The following EXPH5 variants were observed in gnomAD, a reference collection of about 807,000 sequenced individuals.
The protein encoded by EXPH5 is exophilin 5.
EXPH5 carries 42 observed loss-of-function variants against 41.1 expected under a neutral mutation model. That is an observed-to-expected ratio of 1.02 (90% CI 0.80 to 1.32). The LOEUF (loss-of-function observed/expected upper bound fraction) is 1.32, where lower values mean the gene tolerates loss of function less well. Among genes scored for constraint, EXPH5 ranks in the 40% most tolerant of loss-of-function variants. EXPH5 has a pLI of 0.00. For missense variants in EXPH5, 2,298 were observed against 2,314.5 expected (o/e 0.99, Z 0.15); for synonymous variants, 798 against 833.5 (o/e 0.96, Z 0.73).
At chr11:108,589,622 G>T (rs929320887) in intron 1 of EXPH5, among the ~76,000 whole-genome samples, 3 of 152,130 alleles carry the variant, frequency 2.0e-5, no homozygotes, top group African/African-American at 7.2e-5. Context: ...ATAGATTTAG[G>T]TTCAAATTCT....
At chr11:108,598,885 A>G in the EXPH5 span, among the ~76,000 whole-genome samples, 2 of 152,314 alleles carry the variant, frequency 1.3e-5, no homozygotes, top group South Asian at 2.1e-4. Flanking sequence ...TGGAGTCAGT[A>G]TCTTTGGTTC....
chr11:108,507,343 TC>T lies in EXPH5; in HGVS notation c.*2193del, dbSNP rs2093649734. ...AGTTCTTTCTTAACTCTCTATCAGTTCCAGATCTCTATACACTTCACCAACA... is the reference window on the plus strand; with the variant it reads ...AGTTCTTTCTTAACTCTCTATCAGTTCAGATCTCTATACACTTCACCAACA... On this transcript the variant is annotated 3_prime_UTR_variant, in exon 6 of 6. Coordinates refer to ENST00000265843, the MANE Select transcript of EXPH5 (RefSeq NM_015065.3). 3 of 152,332 alleles carry T rather than the reference TC, an allele frequency of 2.0e-5. No individual in the cohort carries two copies. The highest frequency in any genetic ancestry group is 6.8e-3 in the Middle Eastern group (2 of 294). 9.4% of individuals were successfully genotyped at this position (152,332 alleles called of 1,614,324 possible). A position where few individuals can be genotyped will look rare whatever the true frequency, so the allele number is the denominator to read the frequency against.
At chr11:108,526,462 T>G (rs904413155) in intron 4 of EXPH5, among the ~76,000 whole-genome samples, 8 of 152,300 alleles carry the variant, frequency 5.3e-5, no homozygotes, top group South Asian at 2.1e-4. Context: ...CTTTTTACAT[T>G]CCTTTTCTGC....
chr11:108,598,983 G>C, the EXPH5 span, among the ~76,000 whole-genome samples: 1 of 152,122 alleles, frequency 6.6e-6, no homozygotes, highest in African/African-American at 2.4e-5. Flanking sequence ...AATTAAATGT[G>C]CTAATGTCTG....
intron 2 of EXPH5, among the ~76,000 whole-genome samples, chr11:108,540,379 C>T (rs2093906164): frequency 6.6e-6 from 1 of 151,956 alleles, no homozygotes; most frequent in Admixed American, 6.6e-5. Context: ...TGATTTGGGA[C>T]ATGCTGACTT....
At chr11:108,533,749 C>A (rs769478766) in intron 3 of EXPH5, among the ~76,000 whole-genome samples, 2 of 152,080 alleles carry the variant, frequency 1.3e-5, no homozygotes, top group Non-Finnish European at 2.9e-5. Context: ...TGGCCTCTAC[C>A]CACTGGATCC....
intron 1 of EXPH5, among the ~76,000 whole-genome samples, chr11:108,577,993 T>G (rs1305595615): frequency 6.6e-6 from 1 of 152,214 alleles, no homozygotes; most frequent in African/African-American, 2.4e-5. Context: ...GTAGGTTGTC[T>G]CTTCATGATG....
intron 4 of EXPH5, 57 bp downstream of exon 4, chr11:108,528,079 T>G: frequency 8.9e-7 from 1 of 1,129,350 alleles, no homozygotes; most frequent in Non-Finnish European, 1.3e-6. Context: ...GTAGCCACCC[T>G]GGGATTACAT....
intron 4 of EXPH5, among the ~76,000 whole-genome samples, chr11:108,519,194 G>A (rs2093747897): frequency 6.6e-6 from 1 of 151,750 alleles, no homozygotes; most frequent in Admixed American, 6.6e-5. Flanking sequence ...TACTTTTCTG[G>A]TAATATCTTC....
chr11:108,539,262 C>G, intron 2 of EXPH5, 76 bp from the exon 3 acceptor site: 2 of 1,087,498 alleles, frequency 1.8e-6, no homozygotes, highest in Non-Finnish European at 2.7e-6. Flanking sequence ...AGCCTTTGCT[C>G]TTGTGTCACT....
rs1045368461 is a variant in EXPH5 at position 108,509,834 on chromosome 11, T to G, written c.5673A>C (p.Lys1891Asn). Residue 1891 changes from lysine (K) to asparagine (N), a missense_variant, in exon 6 of 6, where the codon AAA becomes AAC. Coordinates refer to ENST00000265843, the MANE Select transcript of EXPH5 (RefSeq NM_015065.3). ...TTTCTAAGAAAGCTAACTGTTGTTCTTTCCCAAAGATCCCATAGTCGATAG... is the reference window on the plus strand; with the variant it reads ...TTTCTAAGAAAGCTAACTGTTGTTCGTTCCCAAAGATCCCATAGTCGATAG... ...YRPIDYGIFG[K>N]EQQLAFLENV... The G allele has an allele frequency of 6.2e-7, 1 of 1,613,566 alleles. No individual in the cohort carries two copies. The highest frequency in any genetic ancestry group is 1.7e-5 in the Admixed American group (1 of 59,904).
chr11:108,607,528 C>A, the EXPH5 span, among the ~76,000 whole-genome samples: 1 of 152,188 alleles, frequency 6.6e-6, no homozygotes, highest in African/African-American at 2.4e-5. Flanking sequence ...GGTGGCTCTA[C>A]GATGTACTAA....
intron 1 of EXPH5, among the ~76,000 whole-genome samples, chr11:108,590,148 G>C (rs948152617): frequency 2.0e-5 from 3 of 152,152 alleles, no homozygotes; most frequent in South Asian, 2.1e-4. Flanking sequence ...TCACCAAAAA[G>C]CTTGTAATCA....
At position 108,513,294 on chromosome 11, in the gene EXPH5, G is replaced by C. The variant is rs76626971; in HGVS notation, c.2213C>G (p.Ser738Cys). ...QPVSQTGISN[S>C]LPDFQNPLSQ... ...TAAGGGATTTTGAAAATCAGGTAAA[G>C]AGTTTGAGATCCCTGTCTGTGAAAC... is the stretch of plus-strand genomic sequence containing the variant. Residue 738 changes from serine to cysteine, a missense_variant, in exon 6 of 6, where the codon TCT becomes TGT. Ser to Cys is a moderately radical substitution (Grantham distance 112). Coordinates refer to ENST00000265843, the MANE Select transcript of EXPH5 (RefSeq NM_015065.3). 0.013 allele frequency: 20,994 copies of C among 1,612,730 alleles called. 220 individuals are homozygous for C. The highest frequency in any genetic ancestry group is 0.016 in the Non-Finnish European group (18,816 of 1,179,506).
Position 108,513,492 on chromosome 11 carries a change from A to G in EXPH5, c.2015T>C (p.Val672Ala). 2.5e-6 allele frequency: 4 copies of G among 1,614,016 alleles called. No homozygotes were observed. The highest frequency in any genetic ancestry group is 3.4e-6 in the Non-Finnish European group (4 of 1,179,950). Reference sequence around the variant, plus strand: ...AACTGAATTGCTGCTGGTCACAGTGACTTCTGTATGGCTTCTCATTGGATG... The same window carrying G: ...AACTGAATTGCTGCTGGTCACAGTGGCTTCTGTATGGCTTCTCATTGGATG... ...ASHPMRSHTE[V>A]TVTSSNSVDS... The change falls in exon 6 of 6, where the codon GTC becomes GCC. Residue 672 changes from valine (V) to alanine (A), a missense_variant. Physicochemically the swap from Val to Ala is moderately conservative, Grantham distance 64. Coordinates refer to ENST00000265843, the MANE Select transcript of EXPH5 (RefSeq NM_015065.3).
At chr11:108,556,570 T>C (rs1358548904) in intron 1 of EXPH5, among the ~76,000 whole-genome samples, 3 of 152,122 alleles carry the variant, frequency 2.0e-5, no homozygotes, top group Admixed American at 6.6e-5. Context: ...CCTCCTAGGT[T>C]CAAGCGATTC....
At chr11:108,595,357 A>G (rs540893002), upstream of EXPH5, among the ~76,000 whole-genome samples, 1 of 152,336 alleles carries the variant, frequency 6.6e-6, no homozygotes, top group East Asian at 1.9e-4. Flanking sequence ...AGGATACGGT[A>G]TTTAGGTTGC....
At chr11:108,603,154 CTG>C in the EXPH5 span, among the ~76,000 whole-genome samples, 2 of 152,194 alleles carry the variant, frequency 1.3e-5, no homozygotes, top group Admixed American at 6.5e-5. Context: ...CCATGTGGAA[CTG>C]TGAGTCAATT....
At chr11:108,559,162 T>G (rs2094001771) in intron 1 of EXPH5, among the ~76,000 whole-genome samples, 1 of 152,196 alleles carries the variant, frequency 6.6e-6, no homozygotes, top group Admixed American at 6.5e-5. Flanking sequence ...CATCACTGGA[T>G]TGTCAGCTCC....
Sources: allele counts gnomAD v4.1 joint callset (sites outside exome capture counted in the v4.1 genomes callset), GRCh38; gene constraint gnomAD v4.1.1; transcripts MANE v1.5; gene names NCBI Gene and HGNC (gene_info 2026-07-23, HGNC 2026-07-21).